The following PREPL variants were observed in gnomAD, a reference collection of about 807,000 sequenced individuals.
PREPL encodes prolyl endopeptidase-like.
PREPL carries 77 observed loss-of-function variants against 70.6 expected under a neutral mutation model. That is an observed-to-expected ratio of 1.09 (90% CI 0.91 to 1.32). PREPL has a LOEUF of 1.32. Ranked by LOEUF, PREPL falls within the 40% of genes most tolerant of loss-of-function variation. The pLI, the probability that PREPL is intolerant of heterozygous loss-of-function variation, is 0.00. For synonymous variants in PREPL, 315 were observed against 264.8 expected, an observed-to-expected ratio of 1.19 and a Z score of -1.84; for missense variants, 1,002 against 778.2, an observed-to-expected ratio of 1.29 and a Z score of -3.42.
At chr2:44,341,298 G>C (rs555450153) in intron 5 of PREPL, among the ~76,000 whole-genome samples, 6 of 152,086 alleles carry the variant, frequency 3.9e-5, no homozygotes, top group African/African-American at 1.4e-4. Flanking sequence ...TCATTAGTTT[G>C]TGATGCCTTT....
intron 1 of PREPL, among the ~76,000 whole-genome samples, chr2:44,361,010 T>C (rs1677708938): frequency 6.6e-6 from 1 of 151,900 alleles, no homozygotes; most frequent in African/African-American, 2.4e-5. Flanking sequence ...GCAACACTAG[T>C]TTACTAGCCG....
chr2:44,334,598 T>C (rs940497422), intron 7 of PREPL, among the ~76,000 whole-genome samples: 2 of 152,228 alleles, frequency 1.3e-5, no homozygotes, highest in African/African-American at 4.8e-5. Context: ...CAGGCTGGAA[T>C]GCAGTGGCGT....
intron 2 of PREPL, 94 bp from the exon 3 acceptor site, chr2:44,344,680 T>TA (rs1436606416): frequency 3.0e-5 from 27 of 889,554 alleles, no homozygotes. Flanking sequence ...AAGACTCTTA[T>TA]AAAAAACAGA....
At position 44,332,488 on chromosome 2, in the gene PREPL, G is replaced by A. The variant is rs1674220804; in HGVS notation, c.1057C>T (p.Arg353Cys). 5 of 1,613,910 alleles carry A rather than the reference G, an allele frequency of 3.1e-6. No homozygotes were observed. Among genetic ancestry groups the A allele is most frequent in the South Asian group, 2.2e-5 (2 of 91,062 alleles). ...CTTTTGGCTTCTAGACGTAAAACGC[G>A]ACTAGTCTTTGTGATTGGGTCTTCA... ...GHEDPITKTS[R>C]VLRLEAKSKD... is the part of the protein sequence containing the mutation. Residue 353 changes from arginine to cysteine, a missense_variant, in exon 8 of 14, where the codon CGC (arginine) becomes TGC (cysteine). Coordinates refer to ENST00000409411, the MANE Select transcript of PREPL (RefSeq NM_001171613.2).
At chr2:44,328,390 T>C (rs1187840056) in intron 9 of PREPL, among the ~76,000 whole-genome samples, 1 of 136,128 alleles carries the variant, frequency 7.3e-6, no homozygotes, top group African/African-American at 2.8e-5. Flanking sequence ...TGAGCCGAGA[T>C]TGTGCCACTG....
chr2:44,325,777 TA>T (rs1388527823), intron 10 of PREPL, among the ~76,000 whole-genome samples: 1 of 152,024 alleles, frequency 6.6e-6, no homozygotes, highest in Non-Finnish European at 1.5e-5. Context: ...AACCTCAAAA[TA>T]AAAAATCCTG....
Position 44,320,225 on chromosome 2 carries a change from T to C in PREPL, c.*1131A>G. On this transcript the variant is annotated 3_prime_UTR_variant, in exon 14 of 14. Coordinates refer to ENST00000409411, the MANE Select transcript of PREPL (RefSeq NM_001171613.2). ...TCCAAAAGACTCAGCCCAGATCGGCTTTGAAGTTATATCAAGATTTAAGTC... is the reference window on the plus strand; with the variant it reads ...TCCAAAAGACTCAGCCCAGATCGGCCTTGAAGTTATATCAAGATTTAAGTC... 2 of 1,613,974 alleles carry C rather than the reference T, an allele frequency of 1.2e-6. No individual in the cohort carries two copies. Among genetic ancestry groups the C allele is most frequent in the Non-Finnish European group, 1.7e-6 (2 of 1,179,888 alleles).
Position 44,318,821 on chromosome 2 carries a change from T to G in PREPL, c.*2535A>C, listed in dbSNP as rs901536293. The G allele has an allele frequency of 2.6e-5, 4 of 152,174 alleles. No individual in the cohort carries two copies. Among genetic ancestry groups the G allele is most frequent in the East Asian group, 1.9e-4 (1 of 5,200 alleles). The allele number at this position is 152,174 out of a possible 1,614,324, so 9.4% of individuals were successfully genotyped here. ...ATAGTTCAATATGAAAAGCATTATA[T>G]GAGACAAAGGCAATTTTCAAAAATT... On this transcript the variant is annotated 3_prime_UTR_variant, in exon 14 of 14. Transcript: ENST00000409411.
intron 12 of PREPL, 59 bp from the exon 13 acceptor site, chr2:44,321,959 CGAGA>C: frequency 6.6e-7 from 1 of 1,511,124 alleles, no homozygotes; most frequent in Non-Finnish European, 9.0e-7. Context: ...TTTGGAAGAT[CGAGA>C]CCCATTCCTC....
chr2:44,320,732 T>TC lies in PREPL; in HGVS notation c.*623dup. ...GTACAGCATGCTGCTTGGTGAACAATCATTAATTCTTCGATATTTCTGTAG... is the reference window on the plus strand; with the variant it reads ...GTACAGCATGCTGCTTGGTGAACAATCCATTAATTCTTCGATATTTCTGTAG... On this transcript the variant is annotated 3_prime_UTR_variant, in exon 14 of 14. Transcript: ENST00000409411. 1.0e-6 allele frequency: 1 copy of TC among 971,614 alleles called. No homozygotes were observed. Among genetic ancestry groups the TC allele is most frequent in the Non-Finnish European group, 1.7e-6 (1 of 606,010 alleles). 60.2% of individuals were successfully genotyped at this position (971,614 alleles called of 1,614,324 possible).
In PREPL at chr2:44,329,107, T is replaced by C; in HGVS notation, c.1092A>G (p.Gly364=). 1 of 1,593,456 alleles carries C rather than the reference T, an allele frequency of 6.3e-7. No homozygotes were observed. The change falls in exon 9 of 14, where the codon GGA becomes GGG. Residue 364 remains glycine, a synonymous_variant. Coordinates refer to ENST00000409411, the MANE Select transcript of PREPL (RefSeq NM_001171613.2). ...VLRLEAKSKD[G]KLVPMTVFHK... Reference sequence around the variant, plus strand: ...GGAAAACAGTCATTGGCACTAATTTTCCATCCTAGAAATGAAGAATTACTA... The same window carrying C: ...GGAAAACAGTCATTGGCACTAATTTCCCATCCTAGAAATGAAGAATTACTA...
At chr2:44,354,310 T>G (rs1676774604) in intron 1 of PREPL, among the ~76,000 whole-genome samples, 1 of 152,244 alleles carries the variant, frequency 6.6e-6, no homozygotes, top group Non-Finnish European at 1.5e-5. Flanking sequence ...AACACGTTGC[T>G]TATCTACAAT....
Position 44,322,913 on chromosome 2 carries a change from T to C in PREPL, c.1630-59A>G, listed in dbSNP as rs866824526. The stretch of plus-strand genomic sequence containing the variant: ...TATTTCTTATGGTCCCTTGCCACTA[T>C]AGAGACTATGAAAAATAATTACCTC... On this transcript the variant is annotated intron_variant, in intron 11 of 13. Coordinates refer to ENST00000409411, the MANE Select transcript of PREPL (RefSeq NM_001171613.2). 107 of 1,562,092 alleles carry C rather than the reference T, an allele frequency of 6.8e-5. No individual in the cohort carries two copies. In the African/African-American group the frequency reaches 8.8e-4, roughly 13 times the overall value.
chr2:44,347,508 A>G (rs560870060), intron 1 of PREPL, among the ~76,000 whole-genome samples: 10 of 152,372 alleles, frequency 6.6e-5, no homozygotes, highest in South Asian at 6.2e-4. Context: ...GTGTCTTATC[A>G]AGAGTGACTA....
rs575087265 is a variant in PREPL, at chr2:44,317,951, T to A, written c.*3405A>T. On this transcript the variant is annotated 3_prime_UTR_variant, in exon 14 of 14. Transcript: ENST00000409411. Reference sequence around the variant, plus strand: ...AACACAAAGAATTAAAATGAAGATATAGCAAGCAAATAATAGAAAGCTTGC... The same window carrying A: ...AACACAAAGAATTAAAATGAAGATAAAGCAAGCAAATAATAGAAAGCTTGC... 3.8e-6 allele frequency: 1 copy of A among 264,894 alleles called. No individual in the cohort carries two copies. The highest frequency in any genetic ancestry group is 3.1e-5 in the South Asian group (1 of 32,066). The allele number at this position is 264,894 out of a possible 1,614,324, so 16.4% of individuals were successfully genotyped here. A position where few individuals can be genotyped will look rare whatever the true frequency, so the allele number is the denominator to read the frequency against.
Position 44,326,898 on chromosome 2 carries a change from G to T in PREPL, c.1293C>A (p.His431Gln), listed in dbSNP as rs760961704. 5.7e-5 allele frequency: 92 copies of T among 1,613,984 alleles called. No homozygotes were observed. The highest frequency in any genetic ancestry group is 7.5e-5 in the Non-Finnish European group (88 of 1,180,022). The change falls in exon 10 of 14, where the codon CAC becomes CAA. Residue 431 changes from histidine (H) to glutamine (Q), a missense_variant. Coordinates refer to ENST00000409411, the MANE Select transcript of PREPL (RefSeq NM_001171613.2). ...GTTTTTTAGTTAGGCGGCCATCAGC[G>T]TGCCACTGGAGGCCTAACTCACCAC... ...RGGGELGLQW[H>Q]ADGRLTKKLN...
intron 8 of PREPL, among the ~76,000 whole-genome samples, chr2:44,330,386 G>A (rs910039297): frequency 2.0e-5 from 3 of 152,134 alleles, no homozygotes; most frequent in Middle Eastern, 3.2e-3. Flanking sequence ...GTGCTTAACT[G>A]TTCTTTCCAT....
At position 44,319,903 on chromosome 2, in the gene PREPL, T is replaced by G. The variant is rs1325421539; in HGVS notation, c.*1453A>C. On this transcript the variant is annotated 3_prime_UTR_variant, in exon 14 of 14. Transcript: ENST00000409411. ...AAATATTCATCTTAGACATGGACAT[T>G]TGCTTTGGGACTCCTAAAGTGGAGT... The G allele has an allele frequency of 3.0e-6, 1 of 336,622 alleles. No homozygotes were observed. The highest frequency in any genetic ancestry group is 5.5e-6 in the Non-Finnish European group (1 of 181,990). 20.9% of individuals were successfully genotyped at this position (336,622 alleles called of 1,614,324 possible).
chr2:44,357,498 G>T (rs1347242693), intron 1 of PREPL, among the ~76,000 whole-genome samples: 8 of 152,164 alleles, frequency 5.3e-5, no homozygotes, highest in African/African-American at 1.7e-4. Context: ...TACATGACAT[G>T]TGACAGCAGG....
Sources: allele counts gnomAD v4.1 joint callset (sites outside exome capture counted in the v4.1 genomes callset), GRCh38; gene constraint gnomAD v4.1.1; transcripts MANE v1.5; gene names NCBI Gene and HGNC (gene_info 2026-07-23, HGNC 2026-07-21).